COL4A4: variants seen among roughly 807,000 people sequenced by gnomAD.
COL4A4 encodes collagen alpha-4(IV) chain.
COL4A4 carries 105 observed loss-of-function variants against 192.9 expected under a neutral mutation model. The ratio of observed to expected loss-of-function variants is 0.54; its 90% confidence interval spans 0.46 to 0.64. The LOEUF is 0.64. Among genes scored for constraint, COL4A4 ranks in the 30% least tolerant of loss-of-function variants. The probability of loss-of-function intolerance (pLI) is 0.00; values close to 1 mark genes in which losing one functional copy is unlikely to be tolerated. For synonymous variants in COL4A4, 762 were observed against 769.9 expected (o/e 0.99, Z 0.17); for missense variants, 1,967 against 2,169.3 (o/e 0.91, Z 1.85).
chr2:226,981,827 G>A, the COL4A4 span, among the ~76,000 whole-genome samples: 3 of 152,128 alleles, frequency 2.0e-5, no homozygotes, highest in Admixed American at 6.5e-5. Flanking sequence ...TCTCAGCTCT[G>A]GGGTGCAGAG....
Position 227,132,178 on chromosome 2 carries a change from G to A in COL4A4, c.192+7983C>T, listed in dbSNP as rs73082252. 6.3e-3 allele frequency among the ~76,000 whole-genome samples: 966 copies of A among 152,264 alleles called. 10 individuals carry two copies. Among genetic ancestry groups the A allele is most frequent in the African/African-American group, 0.022 (907 of 41,544 alleles). ...CCCGATATGCTCCCATGCAAAGCAAGCCAGGGCACCAAATTGTCCACCTGG... is the reference window on the plus strand; with the variant it reads ...CCCGATATGCTCCCATGCAAAGCAAACCAGGGCACCAAATTGTCCACCTGG... On this transcript the variant is annotated intron_variant, in intron 4 of 47. Transcript: ENST00000396625.
intron 5 of COL4A4, 53 bp downstream of exon 5, chr2:227,120,961 G>A (rs2061747095): frequency 6.2e-7 from 1 of 1,610,648 alleles, no homozygotes; most frequent in African/African-American, 1.3e-5. Flanking sequence ...AAAAAATGGT[G>A]CAGTAGTGCT....
At position 227,042,223 on chromosome 2, in the gene COL4A4, G is replaced by A. The variant is rs1197869884; in HGVS notation, c.3430C>T (p.Pro1144Ser). Reference sequence around the variant, plus strand: ...GGCCCAGGGTCTCCCATTTCTCCTGGCTGTCCCCTCAGCCCAGGCATCCCG... The same window carrying A: ...GGCCCAGGGTCTCCCATTTCTCCTGACTGTCCCCTCAGCCCAGGCATCCCG... Reference protein sequence around the residue: ...DHGMPGLRGQPGEMGDPGPRG... With the variant: ...DHGMPGLRGQSGEMGDPGPRG... The change falls in exon 37 of 48, where the codon CCA becomes TCA. Residue 1144 changes from proline to serine, a missense_variant. Physicochemically the swap from Pro to Ser is moderately conservative, Grantham distance 74. Coordinates refer to ENST00000396625, the MANE Select transcript of COL4A4 (RefSeq NM_000092.5). The A allele has an allele frequency of 2.5e-6, 4 of 1,613,422 alleles. No individual in the cohort carries two copies. Among genetic ancestry groups the A allele is most frequent in the Non-Finnish European group, 3.4e-6 (4 of 1,179,518 alleles).
At chr2:227,002,144 T>G (rs1575657760), downstream of COL4A4, among the ~76,000 whole-genome samples, 1 of 123,636 alleles carries the variant, frequency 8.1e-6, no homozygotes. Context: ...AACTCCAGCC[T>G]GGGCAACAGG....
chr2:226,988,527 G>A, the COL4A4 span: 17 of 1,496,888 alleles, frequency 1.1e-5, no homozygotes, highest in Middle Eastern at 2.4e-4. Context: ...GCAGCTGCCC[G>A]CACTGTGCCA....
intron 25 of COL4A4, among the ~76,000 whole-genome samples, chr2:227,077,474 C>T (rs185751232): frequency 1.3e-5 from 2 of 152,140 alleles, no homozygotes; most frequent in East Asian, 3.9e-4. Context: ...GGGAACATCA[C>T]ATAATATCGA....
At chr2:227,033,210 A>C (rs148154838) in intron 38 of COL4A4, among the ~76,000 whole-genome samples, 200 bp downstream of exon 38, 2 of 152,336 alleles carry the variant, frequency 1.3e-5, no homozygotes, top group African/African-American at 2.4e-5. Flanking sequence ...TCCTTCTTAA[A>C]TAGGGTTTTC....
At chr2:227,129,005 C>T (rs752723701) in intron 4 of COL4A4, among the ~76,000 whole-genome samples, 16 of 152,176 alleles carry the variant, frequency 1.1e-4, no homozygotes, top group Non-Finnish European at 1.8e-4. Flanking sequence ...TTACCTGTAG[C>T]TCAAATTCTG....
At position 227,004,004 on chromosome 2, in the gene COL4A4, C is replaced by G. The variant is rs1291049768; in HGVS notation, c.*3321G>C. The G allele has an allele frequency of 6.6e-6, 1 of 152,110 alleles. No individual in the cohort carries two copies. The highest frequency in any genetic ancestry group is 1.5e-5 in the Non-Finnish European group (1 of 68,028). 9.4% of individuals were successfully genotyped at this position (152,110 alleles called of 1,614,324 possible). A position where few individuals can be genotyped will look rare whatever the true frequency, so the allele number is the denominator to read the frequency against. On this transcript the variant is annotated 3_prime_UTR_variant, in exon 48 of 48. Coordinates refer to ENST00000396625, the MANE Select transcript of COL4A4 (RefSeq NM_000092.5). ...TTGTAACCGTCTTGCTGATGAAGAC[C>G]TTATATGCAGAGCTGAACACCTAAT...
intron 8 of COL4A4, 116 bp from the exon 9 acceptor site, chr2:227,111,829 A>AT (rs1171308198): frequency 8.0e-6 from 9 of 1,128,396 alleles, no homozygotes; most frequent in Non-Finnish European, 3.9e-6. Context: ...AGTTTGTTCA[A>AT]TTTTTTTGGT....
intron 25 of COL4A4, among the ~76,000 whole-genome samples, chr2:227,066,367 G>A (rs1401910296): frequency 2.0e-5 from 3 of 151,444 alleles, no homozygotes; most frequent in African/African-American, 4.9e-5. Context: ...TACAGAGAAC[G>A]CCACAAAGAT....
At chr2:227,013,375 CAG>C (rs1198850523) in intron 44 of COL4A4, among the ~76,000 whole-genome samples, 3 of 152,148 alleles carry the variant, frequency 2.0e-5, no homozygotes, top group Non-Finnish European at 4.4e-5. Flanking sequence ...CCCCGTATCT[CAG>C]AATGTGACTG....
chr2:227,029,476 G>A (rs1278517474), intron 41 of COL4A4, among the ~76,000 whole-genome samples: 1 of 152,206 alleles, frequency 6.6e-6, no homozygotes, highest in Non-Finnish European at 1.5e-5. Context: ...CAATTCCACA[G>A]ATGCCATTTG....
At chr2:227,035,153 T>A (rs1969352396) in intron 37 of COL4A4, among the ~76,000 whole-genome samples, 1 of 152,120 alleles carries the variant, frequency 6.6e-6, no homozygotes, top group Admixed American at 6.5e-5. Context: ...AAATAGGAGT[T>A]CAAGACTAGG....
rs746468113 is a variant in COL4A4 at position 227,052,417 on chromosome 2, G to A, written c.2861-5C>T. On this transcript the variant is annotated splice_region_variant and splice_polypyrimidine_tract_variant and intron_variant, in intron 31 of 47. Transcript: ENST00000396625. ...CTCCGGGAGGTCCTATGGCTCCTATGGATATTAATTATGCAAGAACAAAAT... is the reference window on the plus strand; with the variant it reads ...CTCCGGGAGGTCCTATGGCTCCTATAGATATTAATTATGCAAGAACAAAAT... 1 of 1,505,458 alleles carries A rather than the reference G, an allele frequency of 6.6e-7. No homozygotes were observed. Among genetic ancestry groups the A allele is most frequent in the Non-Finnish European group, 9.2e-7 (1 of 1,081,222 alleles). The allele number at this position is 1,505,458 out of a possible 1,614,324, so 93.3% of individuals were successfully genotyped here. A position where few individuals can be genotyped will look rare whatever the true frequency, so the allele number is the denominator to read the frequency against.
chr2:227,072,525 A>G (rs1257167070), intron 25 of COL4A4, among the ~76,000 whole-genome samples: 1 of 152,000 alleles, frequency 6.6e-6, no homozygotes, highest in Non-Finnish European at 1.5e-5. Flanking sequence ...AAAGATTGAT[A>G]AAGAAGGCAT....
chr2:227,124,702 T>C (rs1408448512), intron 4 of COL4A4, among the ~76,000 whole-genome samples: 1 of 152,216 alleles, frequency 6.6e-6, no homozygotes, highest in Non-Finnish European at 1.5e-5. Context: ...AATAGGTGAC[T>C]GCACAAATTC....
intron 46 of COL4A4, among the ~76,000 whole-genome samples, chr2:227,009,733 AAAGAGAAGAGAAGAGAG>A (rs1963180610): frequency 2.7e-5 from 2 of 73,350 alleles, no homozygotes; most frequent in African/African-American, 6.6e-5. Flanking sequence ...AGAGAAGAGA[AAAGAGAAGAGAAGAGAG>A]AAGAGAAGAG....
intron 24 of COL4A4, among the ~76,000 whole-genome samples, 156 bp from the exon 25 acceptor site, chr2:227,078,233 T>G (rs918119476): frequency 2.0e-5 from 3 of 152,068 alleles, no homozygotes; most frequent in African/African-American, 4.8e-5. Flanking sequence ...ACTTAGATAC[T>G]TTTTAATATT....
Sources: allele counts gnomAD v4.1 joint callset (sites outside exome capture counted in the v4.1 genomes callset), GRCh38; gene constraint gnomAD v4.1.1; transcripts MANE v1.5; gene names NCBI Gene and HGNC (gene_info 2026-07-23, HGNC 2026-07-21).